Variants in ZNF679 observed in about 807,000 individuals in gnomAD.
ZNF679 encodes zinc finger protein 679.
ZNF679 carries 10 observed loss-of-function variants against 13.4 expected under a neutral mutation model. The observed-to-expected ratio is 0.75, with a 90% confidence interval of 0.46 to 1.27. ZNF679 has a LOEUF of 1.27. Among genes scored for constraint, ZNF679 ranks in the 50% most tolerant of loss-of-function variants. The pLI is 0.00. For synonymous variants in ZNF679, 179 were observed against 162.5 expected (o/e 1.10, Z -0.77); for missense variants, 525 against 477.8 (o/e 1.10, Z -0.92).
intron 2 of ZNF679, among the ~76,000 whole-genome samples, chr7:64,251,648 C>A (rs911072246): frequency 6.6e-6 from 1 of 152,118 alleles, no homozygotes; most frequent in Non-Finnish European, 1.5e-5. Context: ...GGTTCTGGGT[C>A]TTAGTACTGC....
intron 1 of ZNF679, among the ~76,000 whole-genome samples, chr7:64,237,161 C>G (rs1343345943): frequency 6.6e-6 from 1 of 152,072 alleles, no homozygotes; most frequent in African/African-American, 2.4e-5. Flanking sequence ...GAATCCTAGG[C>G]TAGTGGAGAA....
intron 4 of ZNF679, among the ~76,000 whole-genome samples, chr7:64,263,406 G>T (rs1788103622): frequency 6.6e-6 from 1 of 152,108 alleles, no homozygotes; most frequent in African/African-American, 2.4e-5. Context: ...TTTGAAATTT[G>T]CTAAGACCTA....
chr7:64,255,122 G>T (rs1411153492), intron 2 of ZNF679, among the ~76,000 whole-genome samples: 1 of 152,070 alleles, frequency 6.6e-6, no homozygotes, highest in African/African-American at 2.4e-5. Context: ...CTGGTAAGGT[G>T]AGGCTCTGTT....
chr7:64,260,830 A>T lies in ZNF679; in HGVS notation c.167-4A>T, dbSNP rs779819766. ...TATGTTACTTTTTTTTCTTAATAAA[A>T]CAGGTATTGCTGTCTCTAAGCCAGA... On this transcript the variant is annotated splice_region_variant and splice_polypyrimidine_tract_variant and intron_variant, in intron 3 of 4. Transcript: ENST00000421025. 6.3e-7 allele frequency: 1 copy of T among 1,597,256 alleles called. No individual in the cohort carries two copies. Among genetic ancestry groups the T allele is most frequent in the South Asian group, 1.1e-5 (1 of 87,610 alleles).
At chr7:64,231,740 G>A (rs75456489) in intron 1 of ZNF679, among the ~76,000 whole-genome samples, 19 of 151,892 alleles carry the variant, frequency 1.3e-4, no homozygotes, top group Admixed American at 1.0e-3. Context: ...TCCTGAAGGC[G>A]GGGCCCAGGC....
chr7:64,258,368 G>GA (rs1247491784), intron 2 of ZNF679, among the ~76,000 whole-genome samples: 1 of 151,874 alleles, frequency 6.6e-6, no homozygotes, highest in Non-Finnish European at 1.5e-5. Context: ...AGGAGGAAAA[G>GA]AAAAAAATCA....
At position 64,260,269 on chromosome 7, in the gene ZNF679, T is replaced by A; in HGVS notation, c.88T>A (p.Trp30Arg). 6.2e-7 allele frequency: 1 copy of A among 1,611,902 alleles called. No homozygotes were observed. The highest frequency in any genetic ancestry group is 8.5e-7 in the Non-Finnish European group (1 of 1,179,416). Residue 30 changes from tryptophan (W) to arginine (R), a missense_variant, in exon 3 of 5, where the codon TGG becomes AGG. Trp to Arg is a moderately radical substitution (Grantham distance 101). Coordinates refer to ENST00000421025, the MANE Select transcript of ZNF679 (RefSeq NM_153363.3). The stretch of plus-strand genomic sequence containing the variant: ...AGTCATAGAATTCTCTCTGGAGGAG[T>A]GGCAATGCCTGGATCACGCTCAGCA... ...DVVIEFSLEEWQCLDHAQQNL... is the reference protein window; with the variant it reads ...DVVIEFSLEERQCLDHAQQNL...
chr7:64,245,136 C>G (rs550986024), intron 1 of ZNF679, among the ~76,000 whole-genome samples: 1 of 152,158 alleles, frequency 6.6e-6, no homozygotes, highest in Non-Finnish European at 1.5e-5. Flanking sequence ...AGCAGTTCTC[C>G]CTGCCCCAGC....
chr7:64,249,684 T>C (rs777899276), intron 2 of ZNF679, among the ~76,000 whole-genome samples: 2 of 152,322 alleles, frequency 1.3e-5, no homozygotes, highest in East Asian at 3.9e-4. Context: ...AGTTGCATGA[T>C]GAAGCAAACC....
Position 64,229,578 on chromosome 7 carries a change from C to A in ZNF679, c.-91+926C>A, listed in dbSNP as rs1787608588. 2.0e-5 allele frequency among the ~76,000 whole-genome samples: 3 copies of A among 152,138 alleles called. No individual in the cohort carries two copies. The South Asian group carries it at 6.2e-4, about 32-fold the overall frequency. ...TGGCTGGATGTGCCTATGAGAGTCA[C>A]AATCTCTCCTGCTTGTTGGACTGCA... On this transcript the variant is annotated intron_variant, in intron 1 of 4. Transcript: ENST00000421025.
intron 1 of ZNF679, among the ~76,000 whole-genome samples, chr7:64,247,352 G>A (rs906152589): frequency 2.0e-5 from 3 of 152,126 alleles, no homozygotes; most frequent in African/African-American, 4.8e-5. Flanking sequence ...TGGTTCAAAC[G>A]CCTCTGACAT....
At chr7:64,240,062 G>T (rs1022165048) in intron 1 of ZNF679, among the ~76,000 whole-genome samples, 1 of 152,118 alleles carries the variant, frequency 6.6e-6, no homozygotes, top group Non-Finnish European at 1.5e-5. Flanking sequence ...CCAGCTCCCT[G>T]GTCATGGAAC....
chr7:64,242,784 G>A (rs867296028), intron 1 of ZNF679, among the ~76,000 whole-genome samples: 1 of 145,650 alleles, frequency 6.9e-6, no homozygotes, highest in South Asian at 2.2e-4. Flanking sequence ...TTTTTTTTAA[G>A]TAGAAAAGCC....
intron 2 of ZNF679, 148 bp downstream of exon 2, chr7:64,249,304 C>G (rs931032342): frequency 3.8e-6 from 5 of 1,321,830 alleles, no homozygotes; most frequent in African/African-American, 1.5e-5. Context: ...CTGTTAGTCC[C>G]CTCGAGCCAT....
intron 1 of ZNF679, among the ~76,000 whole-genome samples, chr7:64,236,454 A>G (rs1053010936): frequency 1.6e-3 from 222 of 142,106 alleles, no homozygotes; most frequent in Middle Eastern, 3.7e-3. Context: ...TTGTGGGGGG[A>G]AAAAAAAAAG....
intron 2 of ZNF679, among the ~76,000 whole-genome samples, chr7:64,259,823 G>A (rs1460711507): frequency 1.3e-5 from 2 of 151,966 alleles, no homozygotes; most frequent in African/African-American, 4.8e-5. Flanking sequence ...AGCTACTTGG[G>A]AAGCTGAGGC....
intron 1 of ZNF679, among the ~76,000 whole-genome samples, chr7:64,245,809 C>A (rs1222278318): frequency 1.3e-5 from 2 of 152,252 alleles, no homozygotes; most frequent in Non-Finnish European, 2.9e-5. Context: ...AGTTTGAGGC[C>A]AGCCTGGCCA....
chr7:64,257,288 G>T (rs1257659483), intron 2 of ZNF679, among the ~76,000 whole-genome samples: 1 of 152,048 alleles, frequency 6.6e-6, no homozygotes, highest in Non-Finnish European at 1.5e-5. Flanking sequence ...TTGTATTTCA[G>T]CTCTAATTAG....
At chr7:64,250,265 G>GT (rs11434714) in intron 2 of ZNF679, among the ~76,000 whole-genome samples, 59,385 of 91,914 alleles carry the variant, frequency 0.65, 19,868 homozygotes, top group Non-Finnish European at 0.71. Flanking sequence ...CTTTCCCTTG[G>GT]TTTTTTTTTT....
Sources: allele counts gnomAD v4.1 joint callset (sites outside exome capture counted in the v4.1 genomes callset), GRCh38; gene constraint gnomAD v4.1.1; transcripts MANE v1.5; gene names NCBI Gene and HGNC (gene_info 2026-07-23, HGNC 2026-07-21).